Variants in RASAL1 observed in about 807,000 individuals in gnomAD.
RASAL1 encodes the protein rasGAP-activating-like protein 1.
Under a neutral mutation model 96.6 loss-of-function variants are expected in RASAL1, and 72 were observed. The ratio of observed to expected loss-of-function variants is 0.75; its 90% CI spans 0.62 to 0.91. RASAL1 has a LOEUF of 0.91. Ranked by LOEUF, RASAL1 falls within the 40% of genes least tolerant of loss-of-function variation. RASAL1 has a pLI of 0.00. For synonymous variants in RASAL1, 405 were observed against 430.4 expected (o/e 0.94, Z 0.73); for missense variants, 1,016 against 1,072.5 (o/e 0.95, Z 0.74).
At chr12:113,134,308 A>G (rs1327938094) in intron 1 of RASAL1, among the ~76,000 whole-genome samples, 2 of 152,182 alleles carry the variant, frequency 1.3e-5, no homozygotes, top group Non-Finnish European at 2.9e-5. Flanking sequence ...TGGGAATGTC[A>G]TAAAATCAGG....
intron 4 of RASAL1, 71 bp from the exon 5 acceptor site, chr12:113,121,709 C>A: frequency 6.6e-7 from 1 of 1,510,112 alleles, no homozygotes; most frequent in South Asian, 1.2e-5. Flanking sequence ...CTTAAAAATT[C>A]AATTAACATT....
chr12:113,116,981 A>G, intron 8 of RASAL1, 92 bp downstream of exon 8: 1 of 974,760 alleles, frequency 1.0e-6, no homozygotes, highest in South Asian at 1.8e-5. Context: ...GCATAGTGAT[A>G]ATGTGTGGGC....
At chr12:113,112,909 A>C (rs1950923055) in intron 12 of RASAL1, among the ~76,000 whole-genome samples, 2 of 151,994 alleles carry the variant, frequency 1.3e-5, no homozygotes, top group African/African-American at 4.8e-5. Flanking sequence ...TCGAGATCGC[A>C]CCACTGCACT....
intron 1 of RASAL1, among the ~76,000 whole-genome samples, chr12:113,132,494 T>C (rs1951759626): frequency 6.6e-6 from 1 of 152,212 alleles, no homozygotes; most frequent in Non-Finnish European, 1.5e-5. Flanking sequence ...CCCAGGTTTG[T>C]GGGCTCACAC....
At position 113,114,473 on chromosome 12, in the gene RASAL1, C is replaced by CA. The variant is rs35235298; in HGVS notation, c.1181+326dup. Among the ~76,000 whole-genome samples the CA allele has an allele frequency of 3.3e-3, 464 of 138,804 alleles. 3 individuals carry two copies. The highest frequency in any genetic ancestry group is 0.01 in the African/African-American group (392 of 38,006). The allele number at this position is 138,804 out of a possible 152,430, so 91.1% of individuals were successfully genotyped here. A position where few individuals can be genotyped will look rare whatever the true frequency, so the allele number is the denominator to read the frequency against. On this transcript the variant is annotated intron_variant, in intron 12 of 20. Coordinates refer to ENST00000548055, the MANE Select transcript of RASAL1 (RefSeq NM_001301202.2). ...TGGGTGACAGAGTAAAACCTTGTCT[C>CA]AAAAAAAAAAAAAAAAGAAAAAAAG...
At position 113,104,009 on chromosome 12, in the gene RASAL1, C is replaced by A. The variant is rs571017946; in HGVS notation, c.2041G>T (p.Ala681Ser). Residue 681 changes from alanine (A) to serine (S), a missense_variant, in exon 18 of 21, where the codon GCC (alanine) becomes TCC (serine). Physicochemically the swap from Ala to Ser is moderately conservative, Grantham distance 99 (BLOSUM62 1). Transcript: ENST00000548055. ...ASAPNPNKLAACHPGAFRSAR... is the reference protein window; with the variant it reads ...ASAPNPNKLASCHPGAFRSAR... ...CTGCGGAAGGCACCGGGGTGGCAGG[C>A]GGCCAGCTTGTTCGGGTTGGGGGCG... is the stretch of plus-strand genomic sequence containing the variant. The A allele has an allele frequency of 2.9e-5, 45 of 1,569,074 alleles. No homozygotes were observed. The South Asian group carries it at 4.8e-4, about 17-fold the overall frequency.
In RASAL1 at chr12:113,107,388, C is replaced by A. The variant is rs553928016; in HGVS notation, c.1513-147G>T. On this transcript the variant is annotated intron_variant, in intron 14 of 20. Transcript: ENST00000548055. Reference sequence around the variant, plus strand: ...CTGTAATCCCAGCACTTTGGGAGGCCGAAGTAAGCGGATCACTTGAGGTCA... The same window carrying A: ...CTGTAATCCCAGCACTTTGGGAGGCAGAAGTAAGCGGATCACTTGAGGTCA... 296 of 920,768 alleles carry A rather than the reference C, an allele frequency of 3.2e-4. 1 individual carries two copies. The highest frequency in any genetic ancestry group is 4.5e-4 in the Non-Finnish European group (281 of 623,358). 57.0% of individuals were successfully genotyped at this position (920,768 alleles called of 1,614,324 possible).
At position 113,122,054 on chromosome 12, in the gene RASAL1, G is replaced by C. The variant is rs528573372; in HGVS notation, c.299-416C>G. 3.6e-4 allele frequency among the ~76,000 whole-genome samples: 55 copies of C among 152,190 alleles called. No individual in the cohort carries two copies. The South Asian group carries it at 0.011, about 31-fold the overall frequency. ...AAAATTAAAAATGTGTCAAGACCCT[G>C]GCTTCTGATATAGGTGCTGTAATTA... On this transcript the variant is annotated intron_variant, in intron 4 of 20. Transcript: ENST00000548055.
Position 113,115,743 on chromosome 12 carries a change from C to A in RASAL1, c.895G>T (p.Gly299Trp). The change falls in exon 10 of 21, where the codon GGG becomes TGG. Residue 299 changes from glycine (G) to tryptophan (W), a missense_variant. Transcript: ENST00000548055. The surrounding 1 kb of genome is among the most constrained non-coding windows in gnomAD (Gnocchi z 4.1). Reference sequence around the variant, plus strand: ...GTGGCAAGGTCCTGGCGGCAGTCCCCCAAGGTCAGCTCTTCCAGCAAAGCC... The same window carrying A: ...GTGGCAAGGTCCTGGCGGCAGTCCCACAAGGTCAGCTCTTCCAGCAAAGCC... ...PLALLEELTLGDCRQDLATKL... is the reference protein window; with the variant it reads ...PLALLEELTLWDCRQDLATKL... 1.2e-6 allele frequency: 2 copies of A among 1,614,180 alleles called. No individual in the cohort carries two copies. The highest frequency in any genetic ancestry group is 1.7e-6 in the Non-Finnish European group (2 of 1,180,032).
intron 18 of RASAL1, chr12:113,102,965 G>T: frequency 1.1e-5 from 2 of 179,294 alleles, no homozygotes; most frequent in Non-Finnish European, 1.2e-5. Context: ...CTCCAATGCC[G>T]CTGCTTAACT....
At chr12:113,131,968 C>CTTTTTTTTTTTTTTTT (rs34936583) in intron 1 of RASAL1, among the ~76,000 whole-genome samples, 1 of 118,716 alleles carries the variant, frequency 8.4e-6, no homozygotes, top group Non-Finnish European at 1.8e-5. Context: ...TCTTCTTCTT[C>CTTTTTTTTTTTTTTTT]TTTTTTTTTT....
chr12:113,104,175 AGGTGGTG>A lies in RASAL1; in HGVS notation c.1947_1953del (p.Thr651SerfsTer6), dbSNP rs748795068. The stretch of plus-strand genomic sequence containing the variant: ...TGGGGTCTCACCTTGCACTGGAGGT[AGGTGGTG>A]TGCAGCGCCCCCGTGCCGTCCTGCG... On this transcript the variant is annotated frameshift_variant, in exon 17 of 21. Coordinates refer to ENST00000548055, the MANE Select transcript of RASAL1 (RefSeq NM_001301202.2). LOFTEE classifies it high-confidence loss of function. The A allele has an allele frequency of 6.2e-7, 1 of 1,610,638 alleles. No individual in the cohort carries two copies. The highest frequency in any genetic ancestry group is 1.1e-5 in the South Asian group (1 of 90,792).
Position 113,100,684 on chromosome 12 carries a change from G to A in RASAL1, c.2226-4C>T. The A allele has an allele frequency of 6.2e-7, 1 of 1,608,152 alleles. No individual in the cohort carries two copies. The highest frequency in any genetic ancestry group is 8.5e-7 in the Non-Finnish European group (1 of 1,175,410). On this transcript the variant is annotated splice_region_variant and splice_polypyrimidine_tract_variant and intron_variant, in intron 19 of 20. Transcript: ENST00000548055. ...AGAATCCTCCAGTAATTTCAGCCTG[G>A]AAGGTAAGAGGGAGAAAGACAAGTC...
intron 4 of RASAL1, among the ~76,000 whole-genome samples, chr12:113,122,787 T>G (rs889758198): frequency 2.6e-5 from 4 of 152,266 alleles, no homozygotes; most frequent in African/African-American, 9.6e-5. Flanking sequence ...TCTAGATGAT[T>G]GATTTTTTAA....
chr12:113,104,228 G>A lies in RASAL1; in HGVS notation c.1901C>T (p.Pro634Leu). 1.2e-6 allele frequency: 2 copies of A among 1,608,280 alleles called. No individual in the cohort carries two copies. The highest frequency in any genetic ancestry group is 1.7e-6 in the Non-Finnish European group (2 of 1,177,778). ...ERVDEGAFQLPHVMQVVTQDG... is the reference protein window; with the variant it reads ...ERVDEGAFQLLHVMQVVTQDG... ...CTGCGTCACCACCTGCATCACGTGG[G>A]GCAGTTGGAAGGCGCCCTCGTCTAC... The change falls in exon 17 of 21, where the codon CCC (proline) becomes CTC (leucine). Residue 634 changes from proline (P) to leucine (L), a missense_variant. Physicochemically the swap from Pro to Leu is moderately conservative, Grantham distance 98 (BLOSUM62 -3). Transcript: ENST00000548055.
intron 5 of RASAL1, among the ~76,000 whole-genome samples, chr12:113,120,039 T>A (rs1035130515): frequency 3.3e-5 from 5 of 152,148 alleles, no homozygotes; most frequent in Non-Finnish European, 7.4e-5. Flanking sequence ...AGAGAAAGCA[T>A]GAGGCAGGGA....
intron 12 of RASAL1, among the ~76,000 whole-genome samples, chr12:113,113,894 C>A (rs1010942180): frequency 6.6e-6 from 1 of 152,176 alleles, no homozygotes; most frequent in African/African-American, 2.4e-5. Context: ...TGCAGGCAGG[C>A]CCACTCAGAG....
At chr12:113,104,429 C>T (rs1950574569) in intron 16 of RASAL1, 131 bp from the exon 17 acceptor site, 2 of 823,028 alleles carry the variant, frequency 2.4e-6, no homozygotes, top group African/African-American at 1.7e-5. Context: ...TAAGTCTGTG[C>T]TCTGTGTGCT....
chr12:113,109,142 A>G (rs552856330), intron 13 of RASAL1, among the ~76,000 whole-genome samples: 1 of 151,084 alleles, frequency 6.6e-6, no homozygotes, highest in South Asian at 2.1e-4. Flanking sequence ...CAGCCTCCCA[A>G]AGTCCTAGGA....
Sources: allele counts gnomAD v4.1 joint callset (sites outside exome capture counted in the v4.1 genomes callset), GRCh38; gene constraint gnomAD v4.1.1; non-coding constraint Gnocchi (gnomAD v3.1); transcripts MANE v1.5; gene names NCBI Gene and HGNC (gene_info 2026-07-23, HGNC 2026-07-21).